Variants in TMPRSS15 observed in about 807,000 individuals in gnomAD.
TMPRSS15 encodes transmembrane serine protease 15.
In TMPRSS15, 128 loss-of-function variants were observed where a neutral mutation model predicts 125.3. That is an observed-to-expected ratio of 1.02 (90% confidence interval 0.89 to 1.18). The LOEUF (loss-of-function observed/expected upper bound fraction) is 1.18, where lower values mean the gene tolerates loss of function less well. Among genes scored for constraint, TMPRSS15 ranks in the 50% most tolerant of loss-of-function variants. The pLI, the probability that TMPRSS15 is intolerant of heterozygous loss-of-function variation, is 0.00. For missense variants in TMPRSS15, 1,283 were observed against 1,212.7 expected, an observed-to-expected ratio of 1.06 and a Z score of -0.86; for synonymous variants, 446 against 423.2, an observed-to-expected ratio of 1.05 and a Z score of -0.66.
intron 1 of TMPRSS15, among the ~76,000 whole-genome samples, chr21:18,409,893 T>C (rs1026034211): frequency 5.2e-5 from 5 of 95,938 alleles, no homozygotes; most frequent in African/African-American, 1.6e-4. Context: ...CTCCCTCCCT[T>C]CCTTCCTTCT....
At chr21:18,471,971 A>G (rs1978788982) in intron 1 of TMPRSS15, among the ~76,000 whole-genome samples, 1 of 152,148 alleles carries the variant, frequency 6.6e-6, no homozygotes, top group South Asian at 2.1e-4. Context: ...TTTGTGTAAC[A>G]GTTGGCTGAA....
At chr21:18,451,405 T>C (rs1978337931) in intron 1 of TMPRSS15, among the ~76,000 whole-genome samples, 1 of 152,054 alleles carries the variant, frequency 6.6e-6, no homozygotes, top group African/African-American at 2.4e-5. Flanking sequence ...GAGTTGTTAA[T>C]CAAATATAAA....
chr21:18,438,829 T>G (rs1386661987), intron 1 of TMPRSS15, among the ~76,000 whole-genome samples: 1 of 152,222 alleles, frequency 6.6e-6, no homozygotes, highest in Non-Finnish European at 1.5e-5. Flanking sequence ...CTGTTAGACA[T>G]GACTGTATAT....
Position 18,275,258 on chromosome 21 carries a change from T to C in TMPRSS15, c.2843A>G (p.Tyr948Cys). 1 of 1,614,084 alleles carries C rather than the reference T, an allele frequency of 6.2e-7. No homozygotes were observed. Among genetic ancestry groups the C allele is most frequent in the Non-Finnish European group, 8.5e-7 (1 of 1,179,970 alleles). The change falls in exon 24 of 25, where the codon TAT (tyrosine) becomes TGT (cysteine). Residue 948 changes from tyrosine to cysteine, a missense_variant. Transcript: ENST00000284885. ...NERCQQQMPE[Y>C]NITENMICAG... Reference sequence around the variant, plus strand: ...ACATATCATATTTTCAGTAATGTTATATTCTGGCATCTGCTGTTGGCATCT... The same window carrying C: ...ACATATCATATTTTCAGTAATGTTACATTCTGGCATCTGCTGTTGGCATCT...
chr21:18,421,276 C>T (rs1479231257), intron 1 of TMPRSS15, among the ~76,000 whole-genome samples: 1 of 152,082 alleles, frequency 6.6e-6, no homozygotes, highest in Non-Finnish European at 1.5e-5. Context: ...TTTCAGTACT[C>T]CACTCTGATT....
rs1048357022 is a variant in TMPRSS15 at position 18,279,679 on chromosome 21, A to G, written c.2669-620T>C. 3.9e-5 allele frequency among the ~76,000 whole-genome samples: 6 copies of G among 151,950 alleles called. No homozygotes were observed. In the East Asian group the frequency reaches 1.2e-3, roughly 29 times the overall value. ...TAAAAAATGTCTTAGTTCTGGAGGT[A>G]ATCATTTATATTTTATTTTTAAATA... On this transcript the variant is annotated intron_variant, in intron 22 of 24. Transcript: ENST00000284885.
intron 1 of TMPRSS15, among the ~76,000 whole-genome samples, chr21:18,410,307 G>T (rs2076162844): frequency 1.7e-5 from 2 of 118,964 alleles, no homozygotes; most frequent in Non-Finnish European, 3.9e-5. Flanking sequence ...AATGTGTGTG[G>T]GATGCCACTG....
At chr21:18,308,002 G>A (rs2075055167) in intron 18 of TMPRSS15, among the ~76,000 whole-genome samples, 1 of 152,052 alleles carries the variant, frequency 6.6e-6, no homozygotes, top group African/African-American at 2.4e-5. Flanking sequence ...CAGTCATCCG[G>A]GGCACTTGGG....
intron 23 of TMPRSS15, 58 bp from the exon 24 acceptor site, chr21:18,275,394 A>G: frequency 3.8e-6 from 6 of 1,592,890 alleles, no homozygotes; most frequent in Non-Finnish European, 5.2e-6. Context: ...GCATCCTTGA[A>G]TGAACTACCA....
intron 1 of TMPRSS15, among the ~76,000 whole-genome samples, chr21:18,445,830 A>G (rs912253580): frequency 1.1e-4 from 17 of 152,214 alleles, no homozygotes; most frequent in African/African-American, 3.9e-4. Context: ...GGGCATATAT[A>G]TCAAACCCAT....
chr21:18,317,891 T>C (rs1026995278), intron 16 of TMPRSS15, among the ~76,000 whole-genome samples: 2 of 127,498 alleles, frequency 1.6e-5, no homozygotes, highest in Non-Finnish European at 3.2e-5. Context: ...TCCCATCCCA[T>C]CCCATCCCAT....
At chr21:18,309,830 G>T (rs903635823) in intron 18 of TMPRSS15, among the ~76,000 whole-genome samples, 1 of 152,100 alleles carries the variant, frequency 6.6e-6, no homozygotes, top group African/African-American at 2.4e-5. Flanking sequence ...CACTGTTGGT[G>T]GGAGCGTAAA....
intron 1 of TMPRSS15, among the ~76,000 whole-genome samples, chr21:18,447,166 C>A (rs893023753): frequency 1.3e-5 from 2 of 151,780 alleles, no homozygotes; most frequent in African/African-American, 2.4e-5. Flanking sequence ...TACAAATGGG[C>A]CAGGTGTAGT....
In TMPRSS15 at chr21:18,353,840, C is replaced by T; in HGVS notation, c.904G>A (p.Gly302Ser). The T allele has an allele frequency of 1.2e-6, 2 of 1,611,190 alleles. No individual in the cohort carries two copies. Among genetic ancestry groups the T allele is most frequent in the South Asian group, 1.1e-5 (1 of 91,030 alleles). ...LRASIWETNPGTIRIFSNQVT... is the reference protein window; with the variant it reads ...LRASIWETNPSTIRIFSNQVT... ...TGGTTGGAAAAAATTCTTATTGTGC[C>T]AGGATTAGTTTCCCAAATAGAAGCT... The change falls in exon 9 of 25, where the codon GGC (glycine) becomes AGC (serine). Residue 302 changes from glycine (G) to serine (S), a missense_variant. Gly to Ser is a moderately conservative substitution (Grantham distance 56). Transcript: ENST00000284885.
chr21:18,452,765 C>T (rs200599193), intron 1 of TMPRSS15, among the ~76,000 whole-genome samples: 1 of 152,116 alleles, frequency 6.6e-6, no homozygotes, highest in Non-Finnish European at 1.5e-5. Flanking sequence ...CAATAGAAAT[C>T]ATTTATTTAA....
chr21:18,473,335 AT>A (rs1224554647), intron 1 of TMPRSS15, among the ~76,000 whole-genome samples: 1 of 151,990 alleles, frequency 6.6e-6, no homozygotes, highest in Non-Finnish European at 1.5e-5. Flanking sequence ...GAACCCTGAA[AT>A]TTTTCCTTAC....
At chr21:18,310,899 C>A (rs73212037) in intron 18 of TMPRSS15, among the ~76,000 whole-genome samples, 33,372 of 149,448 alleles carry the variant, frequency 0.22, 4,057 homozygotes, top group East Asian at 0.5. Flanking sequence ...GATAGAGAAC[C>A]CTGAAATAAA....
At chr21:18,396,439 T>C (rs773073563) in intron 3 of TMPRSS15, among the ~76,000 whole-genome samples, 1 of 152,084 alleles carries the variant, frequency 6.6e-6, no homozygotes, top group Non-Finnish European at 1.5e-5. Context: ...GGCGGAATAA[T>C]TGCATCTCCC....
At chr21:18,436,737 C>T (rs868228802) in intron 1 of TMPRSS15, among the ~76,000 whole-genome samples, 53 of 147,726 alleles carry the variant, frequency 3.6e-4, no homozygotes, top group African/African-American at 8.5e-4. Flanking sequence ...TTACAAGGGA[C>T]GTGAAGGACC....
Sources: gnomAD v4.1 joint callset for allele counts (sites outside exome capture counted in the v4.1 genomes callset) on GRCh38, gnomAD v4.1.1 for gene constraint, MANE v1.5 for transcripts, NCBI Gene and HGNC (gene_info 2026-07-23, HGNC 2026-07-21) for gene names.